ASAP2: variants seen among roughly 807,000 people sequenced by gnomAD.
The protein encoded by ASAP2 is ArfGAP with SH3 domain, ankyrin repeat and PH domain 2.
In ASAP2, 45 loss-of-function variants were observed where a neutral mutation model predicts 131.4. The ratio of observed to expected loss-of-function variants is 0.34; its 90% CI spans 0.27 to 0.44. ASAP2 has a LOEUF of 0.44. Ranked by LOEUF, ASAP2 falls within the 20% of genes least tolerant of loss-of-function variation. ASAP2 has a pLI of 1.00. For synonymous variants in ASAP2, 510 were observed against 503.0 expected (o/e 1.01, Z -0.19); for missense variants, 1,011 against 1,297.0 (o/e 0.78, Z 3.39).
At chr2:9,290,248 C>T (rs1460887153) in intron 2 of ASAP2, among the ~76,000 whole-genome samples, 1 of 152,134 alleles carries the variant, frequency 6.6e-6, no homozygotes, top group Non-Finnish European at 1.5e-5. Context: ...CGCTGTGTCA[C>T]CCAGGCTGGA....
intron 1 of ASAP2, chr2:9,271,635 C>T (rs1228718846): frequency 2.1e-6 from 2 of 932,952 alleles, no homozygotes; most frequent in Non-Finnish European, 3.1e-6. Context: ...ACATACGATC[C>T]AATTTCTTTT....
At chr2:9,398,550 G>A (rs1015295893) in intron 24 of ASAP2, among the ~76,000 whole-genome samples, 9 of 151,764 alleles carry the variant, frequency 5.9e-5, no homozygotes, top group South Asian at 4.2e-4. Context: ...GCTCACACCC[G>A]TAATCCTAGC....
intron 16 of ASAP2, among the ~76,000 whole-genome samples, chr2:9,374,321 C>T (rs568443515): frequency 2.6e-4 from 40 of 152,370 alleles, no homozygotes; most frequent in African/African-American, 8.9e-4. Flanking sequence ...GTGAGGCAGG[C>T]AGGCCTTCAT....
chr2:9,393,113 C>T (rs1465198179), intron 23 of ASAP2, among the ~76,000 whole-genome samples: 2 of 152,168 alleles, frequency 1.3e-5, no homozygotes, highest in Non-Finnish European at 2.9e-5. Context: ...AGTCGATGTG[C>T]AAAGCAGGCC....
rs939701295 is a variant in ASAP2, at chr2:9,207,187, C to A, written c.83C>A (p.Thr28Asn). ...YKAPTASSFT[T>N]RTAQCRNTVA... ...GCGCCCACGGCCTCCAGCTTCACCA[C>A]CCGCACGGCGCAGTGCCGGAACACT... The change falls in exon 1 of 28, where the codon ACC becomes AAC. Residue 28 changes from threonine (T) to asparagine (N), a missense_variant. By Grantham distance (65) the Thr-to-Asn change is moderately conservative (BLOSUM62 0). Around this residue, in one of 2 missense-constraint regions of ASAP2, gnomAD observed 359 missense variants for 598.1 expected, o/e 0.60. Transcript: ENST00000281419. The surrounding 1 kb of genome is among the most constrained non-coding windows in gnomAD (Gnocchi z 4.1). 1 of 1,604,214 alleles carries A rather than the reference C, an allele frequency of 6.2e-7. No homozygotes were observed. Among genetic ancestry groups the A allele is most frequent in the Admixed American group, 1.7e-5 (1 of 59,374 alleles).
At chr2:9,380,649 C>T in intron 19 of ASAP2, 92 bp from the exon 20 acceptor site, 3 of 1,193,804 alleles carry the variant, frequency 2.5e-6, no homozygotes, top group Non-Finnish European at 3.8e-6. Flanking sequence ...TAATTTAGTG[C>T]TGCCTTTCTG....
chr2:9,296,290 T>C (rs1668145334), intron 2 of ASAP2, among the ~76,000 whole-genome samples: 1 of 152,252 alleles, frequency 6.6e-6, no homozygotes, highest in Non-Finnish European at 1.5e-5. Flanking sequence ...GGGAATTATA[T>C]TCAACCACAT....
At chr2:9,222,421 G>T (rs1283010716) in intron 1 of ASAP2, among the ~76,000 whole-genome samples, 2 of 152,216 alleles carry the variant, frequency 1.3e-5, no homozygotes, top group African/African-American at 4.8e-5. Context: ...GGCCTCGTGT[G>T]TTCTCTGCAA....
At chr2:9,376,158 C>A (rs1017719064) in intron 17 of ASAP2, among the ~76,000 whole-genome samples, 7 of 152,270 alleles carry the variant, frequency 4.6e-5, no homozygotes, top group African/African-American at 1.4e-4. Flanking sequence ...GTCCCACTCT[C>A]TCCCCATCCC....
chr2:9,261,212 C>T (rs1452885415), intron 1 of ASAP2, among the ~76,000 whole-genome samples: 1 of 152,078 alleles, frequency 6.6e-6, no homozygotes, highest in East Asian at 1.9e-4. Flanking sequence ...GTTATTTTCC[C>T]CAAATGTTAG....
intron 6 of ASAP2, among the ~76,000 whole-genome samples, chr2:9,325,779 G>T (rs1434134453): frequency 6.6e-6 from 1 of 150,842 alleles, no homozygotes; most frequent in Non-Finnish European, 1.5e-5. Context: ...ATAGACTTGA[G>T]CCATCTTTCG....
At chr2:9,331,544 G>T (rs1670839251) in intron 7 of ASAP2, among the ~76,000 whole-genome samples, 1 of 152,172 alleles carries the variant, frequency 6.6e-6, no homozygotes, top group African/African-American at 2.4e-5. Context: ...AAGGGGGGCG[G>T]ATCACCTGAG....
At chr2:9,216,777 A>AT (rs1262881436) in intron 1 of ASAP2, among the ~76,000 whole-genome samples, 1 of 151,146 alleles carries the variant, frequency 6.6e-6, no homozygotes, top group South Asian at 2.1e-4. Context: ...TAATTTTTGT[A>AT]TTTTTTTGTA....
intron 24 of ASAP2, 193 bp from the exon 25 acceptor site, chr2:9,399,830 C>T (rs555485356): frequency 2.6e-5 from 16 of 609,436 alleles, no homozygotes; most frequent in Admixed American, 8.9e-5. Context: ...GGATCAGAAA[C>T]GTTGAATTTA....
chr2:9,390,670 C>T (rs1298145200), intron 22 of ASAP2, among the ~76,000 whole-genome samples: 1 of 152,176 alleles, frequency 6.6e-6, no homozygotes, highest in African/African-American at 2.4e-5. Flanking sequence ...GTGACTCCCA[C>T]AGCCCATGGG....
At chr2:9,335,637 TAC>T (rs1671157172) in intron 9 of ASAP2, among the ~76,000 whole-genome samples, 1 of 152,218 alleles carries the variant, frequency 6.6e-6, no homozygotes, top group Non-Finnish European at 1.5e-5. Flanking sequence ...GAGCTTTTCT[TAC>T]AGCTGCCTCC....
chr2:9,351,269 T>G (rs2148631524), intron 12 of ASAP2, among the ~76,000 whole-genome samples: 1 of 152,284 alleles, frequency 6.6e-6, no homozygotes, highest in South Asian at 2.1e-4. Context: ...CTTACATAAT[T>G]TGGGTGATGT....
intron 1 of ASAP2, among the ~76,000 whole-genome samples, chr2:9,251,918 CT>C (rs921373865): frequency 9.5e-5 from 14 of 148,118 alleles, no homozygotes; most frequent in East Asian, 2.0e-4. Flanking sequence ...GCCCACATTG[CT>C]TTTTTTTTTC....
At chr2:9,241,237 T>C (rs1663941250) in intron 1 of ASAP2, among the ~76,000 whole-genome samples, 1 of 152,248 alleles carries the variant, frequency 6.6e-6, no homozygotes, top group African/African-American at 2.4e-5. Context: ...TTAGCATGTG[T>C]GCTGGAAGAT....
Sources: allele counts gnomAD v4.1 joint callset (sites outside exome capture counted in the v4.1 genomes callset), GRCh38; gene constraint gnomAD v4.1.1; regional missense constraint gnomAD v4.1.1; non-coding constraint Gnocchi (gnomAD v3.1); transcripts MANE v1.5; gene names NCBI Gene and HGNC (gene_info 2026-07-23, HGNC 2026-07-21).